Variants in GANC observed in about 807,000 individuals in gnomAD.
GANC encodes the protein neutral alpha-glucosidase C.
Under a neutral mutation model 124.2 loss-of-function variants are expected in GANC, and 117 were observed. The ratio of observed to expected loss-of-function variants is 0.94; its 90% CI spans 0.81 to 1.10. GANC has a LOEUF of 1.10. Among genes scored for constraint, GANC ranks in the 50% least tolerant of loss-of-function variants. The probability of loss-of-function intolerance (pLI) is 0.00; values close to 1 mark genes in which losing one functional copy is unlikely to be tolerated. For synonymous variants in GANC, 377 were observed against 376.8 expected (o/e 1.00, Z -0.01); for missense variants, 1,140 against 1,095.0 (o/e 1.04, Z -0.58).
At chr15:42,298,492 C>T (rs2051912820) in intron 6 of GANC, among the ~76,000 whole-genome samples, 1 of 152,168 alleles carries the variant, frequency 6.6e-6, no homozygotes, top group East Asian at 1.9e-4. Context: ...GCCATGTTAA[C>T]CTTTCTGAGT....
intron 5 of GANC, among the ~76,000 whole-genome samples, chr15:42,295,137 A>G (rs1299013067): frequency 6.6e-6 from 1 of 151,720 alleles, no homozygotes; most frequent in Non-Finnish European, 1.5e-5. Flanking sequence ...TGCCCGGCTA[A>G]TTTTGTTTTT....
At chr15:42,305,342 A>G (rs1429269724) in intron 6 of GANC, among the ~76,000 whole-genome samples, 1 of 152,214 alleles carries the variant, frequency 6.6e-6, no homozygotes, top group African/African-American at 2.4e-5. Flanking sequence ...GCCAACAAAC[A>G]AAAAAAGCTC....
intron 16 of GANC, 21 bp from the exon 17 acceptor site, chr15:42,339,648 T>C: frequency 6.2e-7 from 1 of 1,607,676 alleles, no homozygotes; most frequent in East Asian, 2.2e-5. Context: ...GTTGCCTCAC[T>C]TGGCCTTCTT....
chr15:42,294,095 G>T (rs145411543), intron 5 of GANC, among the ~76,000 whole-genome samples: 1 of 151,226 alleles, frequency 6.6e-6, no homozygotes, highest in East Asian at 1.9e-4. Flanking sequence ...TGTAAACCCC[G>T]ATGATTTTGT....
intron 3 of GANC, chr15:42,281,088 A>C (rs1024755078): frequency 1.4e-6 from 1 of 702,494 alleles, no homozygotes; most frequent in Non-Finnish European, 2.6e-6. Flanking sequence ...CGTAGCTCCC[A>C]AGACTGAGAA....
intron 6 of GANC, among the ~76,000 whole-genome samples, chr15:42,303,070 A>C (rs2051961895): frequency 6.6e-6 from 1 of 152,226 alleles, no homozygotes; most frequent in African/African-American, 2.4e-5. Flanking sequence ...ACCAAAGTTG[A>C]AATGAAGGAA....
At chr15:42,281,684 A>G (rs2051735685) in intron 3 of GANC, among the ~76,000 whole-genome samples, 1 of 152,130 alleles carries the variant, frequency 6.6e-6, no homozygotes, top group African/African-American at 2.4e-5. Context: ...CTGTCCAAAA[A>G]AAATTGACCT....
At position 42,349,496 on chromosome 15, in the gene GANC, G is replaced by A; in HGVS notation, c.2531+1G>A. On this transcript the variant is annotated splice_donor_variant, in intron 22 of 23. Coordinates refer to ENST00000318010, the MANE Select transcript of GANC (RefSeq NM_198141.3). LOFTEE classifies it high-confidence loss of function. ...TCTGTTCCAGTGTTCTGATCAATAG[G>A]TAATGGCAGCTAAAGAAACTGTTTG... The A allele has an allele frequency of 1.0e-5, 16 of 1,547,524 alleles. No homozygotes were observed. The highest frequency in any genetic ancestry group is 1.4e-5 in the Non-Finnish European group (16 of 1,119,606).
intron 3 of GANC, among the ~76,000 whole-genome samples, chr15:42,284,617 A>G (rs1404707566): frequency 6.6e-6 from 1 of 152,156 alleles, no homozygotes. Flanking sequence ...TCTCTGTGTA[A>G]TTGGATATTA....
intron 11 of GANC, 146 bp downstream of exon 11, chr15:42,322,166 A>G: frequency 1.5e-6 from 1 of 685,992 alleles, no homozygotes; most frequent in Non-Finnish European, 2.4e-6. Context: ...TCACTGTGAT[A>G]AGAGAGAAAG....
intron 19 of GANC, among the ~76,000 whole-genome samples, chr15:42,345,271 A>G (rs981220892): frequency 8.2e-5 from 12 of 146,878 alleles, no homozygotes; most frequent in African/African-American, 3.0e-4. Flanking sequence ...TTCCTCCCAG[A>G]TATGTTTCCT....
intron 15 of GANC, among the ~76,000 whole-genome samples, chr15:42,336,826 A>G (rs560356870): frequency 2.5e-4 from 38 of 152,362 alleles, no homozygotes; most frequent in Admixed American, 4.6e-4. Flanking sequence ...GGCAAAGAAC[A>G]TGAACAGACA....
intron 10 of GANC, among the ~76,000 whole-genome samples, chr15:42,321,406 G>A (rs1464167938): frequency 6.6e-6 from 1 of 152,046 alleles, no homozygotes; most frequent in Admixed American, 6.6e-5. Flanking sequence ...CCCTGTGCCC[G>A]GAATGCTCTA....
intron 6 of GANC, among the ~76,000 whole-genome samples, chr15:42,304,498 A>C (rs2051975138): frequency 6.6e-6 from 1 of 152,240 alleles, no homozygotes; most frequent in Non-Finnish European, 1.5e-5. Flanking sequence ...TTCCATGCTC[A>C]TGGATAGTAA....
intron 10 of GANC, among the ~76,000 whole-genome samples, chr15:42,312,204 G>C (rs988063358): frequency 2.0e-5 from 3 of 152,138 alleles, no homozygotes; most frequent in African/African-American, 7.2e-5. Context: ...GACCTGAATA[G>C]CCAAAACAAT....
Position 42,340,728 on chromosome 15 carries a change from T to C in GANC, c.2126T>C (p.Phe709Ser), listed in dbSNP as rs200817834. 9 of 1,606,092 alleles carry C rather than the reference T, an allele frequency of 5.6e-6. No homozygotes were observed. The highest frequency in any genetic ancestry group is 2.2e-5 in the East Asian group (1 of 44,868). The change falls in exon 18 of 24, where the codon TTT becomes TCT. Residue 709 changes from phenylalanine to serine, a missense_variant. By Grantham distance (155) the Phe-to-Ser change is radical. Coordinates refer to ENST00000318010, the MANE Select transcript of GANC (RefSeq NM_198141.3). ...GAGTTCCCTGATGAACTAAAGACTT[T>C]TGATATGGAAGATGAATACATGCTG... The part of the protein sequence containing the change: ...WVEFPDELKT[F>S]DMEDEYMLGS...
intron 6 of GANC, among the ~76,000 whole-genome samples, chr15:42,301,024 A>AAG (rs1392746248): frequency 6.7e-6 from 1 of 148,954 alleles, no homozygotes; most frequent in Non-Finnish European, 1.5e-5. Context: ...ATCTCAAAAA[A>AAG]AAAAAAAGAA....
intron 5 of GANC, among the ~76,000 whole-genome samples, chr15:42,293,860 G>A (rs1178878157): frequency 1.3e-5 from 2 of 151,320 alleles, no homozygotes; most frequent in Non-Finnish European, 2.9e-5. Context: ...GCCAGCCTGG[G>A]CAACATGGTG....
At chr15:42,297,011 A>G (rs1363368106) in intron 5 of GANC, among the ~76,000 whole-genome samples, 2 of 152,140 alleles carry the variant, frequency 1.3e-5, no homozygotes, top group South Asian at 2.1e-4. Flanking sequence ...AAGTCCAGCA[A>G]TGTTAAGAAT....
Sources: allele counts gnomAD v4.1 joint callset (sites outside exome capture counted in the v4.1 genomes callset), GRCh38; gene constraint gnomAD v4.1.1; transcripts MANE v1.5; gene names NCBI Gene and HGNC (gene_info 2026-07-23, HGNC 2026-07-21).